TOM1L1: variants seen among roughly 807,000 people sequenced by gnomAD.
The protein encoded by TOM1L1 is target of myb1 like 1 membrane trafficking protein, also known as TOM1-like protein 1.
Under a neutral mutation model 63.4 loss-of-function variants are expected in TOM1L1, and 64 were observed. The observed-to-expected ratio is 1.01, with a 90% CI of 0.83 to 1.24. The LOEUF is 1.24. Ranked by LOEUF, TOM1L1 falls within the 50% of genes most tolerant of loss-of-function variation. TOM1L1 has a pLI of 0.00. For synonymous variants in TOM1L1, 166 were observed against 194.4 expected, an observed-to-expected ratio of 0.85 and a Z score of 1.22; for missense variants, 536 against 567.0, an observed-to-expected ratio of 0.95 and a Z score of 0.55.
chr17:54,937,278 C>T (rs756536311), intron 10 of TOM1L1, 52 bp downstream of exon 10: 1 of 1,352,404 alleles, frequency 7.4e-7, no homozygotes. Context: ...TGATGTTAAA[C>T]AGTTCTCCTT....
chr17:54,907,741 A>G (rs2048435305), intron 3 of TOM1L1, among the ~76,000 whole-genome samples: 1 of 152,186 alleles, frequency 6.6e-6, no homozygotes, highest in South Asian at 2.1e-4. Flanking sequence ...AAGGGTGCCA[A>G]AGGTTAGGAG....
At chr17:54,915,679 G>T in intron 6 of TOM1L1, 67 bp from the exon 7 acceptor site, 1 of 1,099,068 alleles carries the variant, frequency 9.1e-7, no homozygotes, top group Non-Finnish European at 1.2e-6. Context: ...ATGTCCCATG[G>T]GGGCAGGAAA....
At chr17:54,902,587 C>T (rs571494468) in intron 1 of TOM1L1, among the ~76,000 whole-genome samples, 4 of 152,156 alleles carry the variant, frequency 2.6e-5, no homozygotes, top group East Asian at 3.9e-4. Context: ...CACCGGGCCC[C>T]GCCTCAAGTG....
At chr17:54,943,634 G>A (rs2143929604) in intron 11 of TOM1L1, among the ~76,000 whole-genome samples, 1 of 151,994 alleles carries the variant, frequency 6.6e-6, no homozygotes, top group East Asian at 1.9e-4. Flanking sequence ...TTTAGTGATT[G>A]CAGTATACTT....
chr17:54,936,624 A>G (rs1314244359), intron 8 of TOM1L1, 25 bp from the exon 9 acceptor site: 1 of 1,572,836 alleles, frequency 6.4e-7, no homozygotes, highest in East Asian at 2.3e-5. Context: ...TTTTAAAAAC[A>G]CATGCATTTT....
rs1267380739 is a variant in TOM1L1 at position 54,940,288 on chromosome 17, CAATT to C, written c.1130+1271_1130+1274del. Among the ~76,000 whole-genome samples the C allele has an allele frequency of 5.9e-5, 9 of 152,254 alleles. No homozygotes were observed. In the East Asian group the frequency reaches 1.4e-3, roughly 23 times the overall value. On this transcript the variant is annotated intron_variant, in intron 11 of 15. Coordinates refer to ENST00000575882, the MANE Select transcript of TOM1L1 (RefSeq NM_005486.3). Reference sequence around the variant, plus strand: ...TTCAACTTTACTTATAGAGAAATGTCAATTAAAGTCTAATAAGAAATTGTTTTCT... The same window carrying C: ...TTCAACTTTACTTATAGAGAAATGTCAAAGTCTAATAAGAAATTGTTTTCT...
intron 12 of TOM1L1, among the ~76,000 whole-genome samples, chr17:54,949,074 CT>C (rs1459018155): frequency 6.6e-6 from 1 of 152,026 alleles, no homozygotes; most frequent in Non-Finnish European, 1.5e-5. Flanking sequence ...ATTCAGTCAC[CT>C]AGGCTAGAAT....
At chr17:54,958,417 TAAA>T (rs906157649) in intron 14 of TOM1L1, 1 of 152,114 alleles carries the variant, frequency 6.6e-6, no homozygotes, top group Non-Finnish European at 1.5e-5. Context: ...TCTTAGAACT[TAAA>T]TATGAAGCAG....
intron 11 of TOM1L1, among the ~76,000 whole-genome samples, chr17:54,943,925 C>T (rs1333038943): frequency 6.6e-6 from 1 of 151,476 alleles, no homozygotes; most frequent in Admixed American, 6.6e-5. Flanking sequence ...TGCAGTGAGC[C>T]GAGATTACAG....
At chr17:54,901,098 C>G in intron 1 of TOM1L1, 175 bp downstream of exon 1, 2 of 818,716 alleles carry the variant, frequency 2.4e-6, no homozygotes, top group Non-Finnish European at 3.8e-6. Flanking sequence ...TTCGTCGTTT[C>G]CTTCTTGGCC....
chr17:54,909,485 A>G (rs2048464135), intron 3 of TOM1L1, among the ~76,000 whole-genome samples: 1 of 151,916 alleles, frequency 6.6e-6, no homozygotes, highest in Admixed American at 6.6e-5. Flanking sequence ...ACTGTCAACT[A>G]CCTCTTTTTC....
At chr17:54,957,704 T>C (rs1252984631) in intron 14 of TOM1L1, 1 of 152,176 alleles carries the variant, frequency 6.6e-6, no homozygotes, top group Non-Finnish European at 1.5e-5. Flanking sequence ...TTCACATCAT[T>C]GGTTGTCCAT....
chr17:54,956,146 GTTATTA>G (rs750658631), intron 14 of TOM1L1, among the ~76,000 whole-genome samples: 1 of 152,096 alleles, frequency 6.6e-6, no homozygotes, highest in Non-Finnish European at 1.5e-5. Flanking sequence ...GAGAACACAG[GTTATTA>G]TTATTTTTTC....
chr17:54,906,178 A>C (rs1049415914), intron 3 of TOM1L1, among the ~76,000 whole-genome samples: 3 of 151,736 alleles, frequency 2.0e-5, no homozygotes, highest in Non-Finnish European at 4.4e-5. Context: ...TCTTAAAAAA[A>C]AAGTTTGTGG....
intron 8 of TOM1L1, among the ~76,000 whole-genome samples, chr17:54,932,027 T>C (rs1351150545): frequency 1.3e-5 from 2 of 151,204 alleles, no homozygotes; most frequent in Non-Finnish European, 2.9e-5. Flanking sequence ...CGATCTTGGC[T>C]CACTGCAACC....
chr17:54,960,977 G>A lies in TOM1L1; in HGVS notation c.*2-258G>A, dbSNP rs914042174. On this transcript the variant is annotated intron_variant, in intron 15 of 15. Transcript: ENST00000575882. ...ACCGGTACCAGTAGACCCATTTACC[G>A]TTAGTCCTCCAAATAGGTCTGAATT... 4.6e-5 allele frequency: 25 copies of A among 547,150 alleles called. 1 individual carries two copies. The highest frequency in any genetic ancestry group is 3.0e-4 in the South Asian group (13 of 43,644). 33.9% of individuals were successfully genotyped at this position (547,150 alleles called of 1,614,324 possible). A position where few individuals can be genotyped will look rare whatever the true frequency, so the allele number is the denominator to read the frequency against.
At chr17:54,920,683 C>G (rs1165688493) in intron 7 of TOM1L1, among the ~76,000 whole-genome samples, 1 of 152,184 alleles carries the variant, frequency 6.6e-6, no homozygotes, top group Non-Finnish European at 1.5e-5. Context: ...AACAACTGTC[C>G]TCTGTCCTCT....
At chr17:54,929,215 G>A (rs1226777748) in intron 7 of TOM1L1, among the ~76,000 whole-genome samples, 6 of 152,040 alleles carry the variant, frequency 3.9e-5, no homozygotes, top group Non-Finnish European at 8.8e-5. Flanking sequence ...TCGAAGGTGT[G>A]CCTGGAAAAA....
At chr17:54,917,445 A>T (rs966518069) in intron 7 of TOM1L1, 1 of 152,150 alleles carries the variant, frequency 6.6e-6, no homozygotes, top group Non-Finnish European at 1.5e-5. Flanking sequence ...ATTTCTTTCT[A>T]TTAAAAATAT....
Sources: allele counts gnomAD v4.1 joint callset (sites outside exome capture counted in the v4.1 genomes callset), GRCh38; gene constraint gnomAD v4.1.1; transcripts MANE v1.5; gene names NCBI Gene and HGNC (gene_info 2026-07-23, HGNC 2026-07-21).